Variants in CALN1 observed in about 807,000 individuals in gnomAD.
CALN1 encodes calcium-binding protein 8.
A neutral mutation model predicts 30.6 loss-of-function variants in CALN1; 17 were observed. The observed-to-expected ratio is 0.56, with a 90% CI of 0.38 to 0.83. The LOEUF is 0.83. CALN1 is among the 40% of genes least tolerant of loss of function. CALN1 has a pLI of 0.00. For missense variants in CALN1, 291 were observed against 354.9 expected (o/e 0.82, Z 1.45); for synonymous variants, 156 against 131.4 (o/e 1.19, Z -1.28).
chr7:71,863,320 G>A (rs1409432790), intron 5 of CALN1, among the ~76,000 whole-genome samples: 1 of 151,142 alleles, frequency 6.6e-6, no homozygotes, highest in Non-Finnish European at 1.5e-5. Flanking sequence ...CACTTTGGGA[G>A]GCCAAGGCAG....
chr7:71,835,925 C>T (rs1226406850), intron 5 of CALN1, among the ~76,000 whole-genome samples: 3 of 152,160 alleles, frequency 2.0e-5, no homozygotes, highest in African/African-American at 7.2e-5. Context: ...ATATGTACTT[C>T]TCTCACTTTG....
chr7:72,441,214 C>A (rs1183452185), intron 1 of CALN1, among the ~76,000 whole-genome samples: 3 of 152,024 alleles, frequency 2.0e-5, no homozygotes, highest in African/African-American at 4.8e-5. Flanking sequence ...TCAGTAGGAG[C>A]TAAGGGAAGA....
chr7:72,314,412 TATATAC>T (rs1306310462), intron 2 of CALN1, among the ~76,000 whole-genome samples: 5 of 151,384 alleles, frequency 3.3e-5, no homozygotes, highest in South Asian at 2.1e-4. Context: ...TATACACATA[TATATAC>T]ACACATACAT....
chr7:71,794,538 G>A (rs746367859), intron 6 of CALN1, among the ~76,000 whole-genome samples: 2 of 152,144 alleles, frequency 1.3e-5, no homozygotes, highest in Non-Finnish European at 2.9e-5. Flanking sequence ...TTCTGCGAGC[G>A]TCAGTTTCTC....
intron 2 of CALN1, among the ~76,000 whole-genome samples, chr7:72,337,410 TCACACTCGCGCGCACACA>T (rs887222658): frequency 6.7e-5 from 4 of 59,944 alleles, no homozygotes; most frequent in Admixed American, 2.2e-4. Context: ...GCGCGCGCAC[TCACACTCGCGCGCACACA>T]CACACACACA....
chr7:71,890,640 A>G (rs1201270455), intron 5 of CALN1, among the ~76,000 whole-genome samples: 2 of 152,106 alleles, frequency 1.3e-5, no homozygotes, highest in African/African-American at 4.8e-5. Context: ...AGTATTTGGT[A>G]TATCTCTTTC....
chr7:72,440,091 G>A (rs992860322), intron 1 of CALN1, among the ~76,000 whole-genome samples: 2 of 152,106 alleles, frequency 1.3e-5, no homozygotes, highest in Non-Finnish European at 1.5e-5. Context: ...ATCATCTCAC[G>A]GACAACAAAA....
intron 4 of CALN1, among the ~76,000 whole-genome samples, chr7:72,025,705 C>T (rs1210299517): frequency 2.6e-5 from 4 of 152,206 alleles, no homozygotes; most frequent in Admixed American, 2.6e-4. Context: ...TCACCACATC[C>T]CTACCTTGGC....
chr7:71,799,263 G>A lies in CALN1; in HGVS notation c.658+11073C>T, dbSNP rs186304175. Among the ~76,000 whole-genome samples, 84 of 152,156 alleles carry A rather than the reference G, an allele frequency of 5.5e-4. 1 individual carries two copies. The highest frequency in any genetic ancestry group is 2.0e-3 in the African/African-American group (82 of 41,496). The stretch of plus-strand genomic sequence containing the variant: ...ATTGTATCATGATTCCCCTTTCACA[G>A]ATGGAGAAAAGGAGACTCTCAATAT... On this transcript the variant is annotated intron_variant, in intron 6 of 6. Transcript: ENST00000395275.
chr7:71,794,189 G>C (rs1266751033), intron 6 of CALN1, among the ~76,000 whole-genome samples: 1 of 152,150 alleles, frequency 6.6e-6, no homozygotes, highest in Non-Finnish European at 1.5e-5. Flanking sequence ...GGTGGGATTT[G>C]AGCTGAGGGC....
chr7:72,241,621 G>A (rs370165127), intron 3 of CALN1, among the ~76,000 whole-genome samples: 33 of 151,990 alleles, frequency 2.2e-4, no homozygotes, highest in Non-Finnish European at 4.4e-4. Context: ...CAGGAAAATC[G>A]CTTGAATCCA....
the CALN1 span, among the ~76,000 whole-genome samples, chr7:72,490,827 A>G: frequency 2.0e-5 from 3 of 152,200 alleles, no homozygotes; most frequent in Non-Finnish European, 4.4e-5. Flanking sequence ...CTATGAGTCA[A>G]TTAAAGCTCT....
chr7:71,796,968 T>C (rs1786964576), intron 6 of CALN1, among the ~76,000 whole-genome samples: 1 of 145,974 alleles, frequency 6.9e-6, no homozygotes, highest in Non-Finnish European at 1.5e-5. Flanking sequence ...TTTCTTTCCC[T>C]CTCTTATTTT....
chr7:72,360,558 C>G (rs560147354), intron 2 of CALN1, among the ~76,000 whole-genome samples: 1 of 150,684 alleles, frequency 6.6e-6, no homozygotes, highest in African/African-American at 2.4e-5. Context: ...TGGAATGAAA[C>G]GATAGCATTA....
chr7:72,343,319 G>A (rs919371877), intron 2 of CALN1, among the ~76,000 whole-genome samples: 1 of 152,058 alleles, frequency 6.6e-6, no homozygotes, highest in African/African-American at 2.4e-5. Flanking sequence ...GGCCGACGCG[G>A]GTGGATCACT....
intron 5 of CALN1, among the ~76,000 whole-genome samples, chr7:71,912,036 T>C (rs2117005801): frequency 6.6e-6 from 1 of 152,054 alleles, no homozygotes; most frequent in South Asian, 2.1e-4. Flanking sequence ...AATTTTTTCC[T>C]CTCTGCAAAG....
chr7:71,901,805 A>G (rs1413987623), intron 5 of CALN1, among the ~76,000 whole-genome samples: 2 of 152,170 alleles, frequency 1.3e-5, no homozygotes, highest in African/African-American at 4.8e-5. Flanking sequence ...ACCCAAAACT[A>G]TTTAAATACT....
chr7:72,413,570 CCACA>C (rs796902036), upstream of CALN1, among the ~76,000 whole-genome samples: 4 of 149,710 alleles, frequency 2.7e-5, no homozygotes, highest in Admixed American at 6.6e-5. Flanking sequence ...CTCATGCACA[CCACA>C]CACACACTCA....
At chr7:72,288,313 C>G (rs1685491479) in intron 2 of CALN1, among the ~76,000 whole-genome samples, 1 of 152,130 alleles carries the variant, frequency 6.6e-6, no homozygotes, top group African/African-American at 2.4e-5. Context: ...GTGGGTCTCT[C>G]CATAGGGCTT....
Sources: gnomAD v4.1 joint callset for allele counts (sites outside exome capture counted in the v4.1 genomes callset) on GRCh38, gnomAD v4.1.1 for gene constraint, MANE v1.5 for transcripts, NCBI Gene and HGNC (gene_info 2026-07-23, HGNC 2026-07-21) for gene names.